ZC2HC1B: variants seen among roughly 807,000 people sequenced by gnomAD.
ZC2HC1B encodes zinc finger C2HC domain-containing protein 1B.
A neutral mutation model predicts 31.0 loss-of-function variants in ZC2HC1B; 36 were observed. The ratio of observed to expected loss-of-function variants is 1.16; its 90% CI spans 0.89 to 1.54. ZC2HC1B has a LOEUF of 1.54. Ranked by LOEUF, ZC2HC1B falls within the 40% of genes most tolerant of loss-of-function variation. ZC2HC1B has a pLI of 0.00. For synonymous variants in ZC2HC1B, 73 were observed against 88.0 expected (o/e 0.83, Z 0.95); for missense variants, 260 against 268.6 (o/e 0.97, Z 0.22).
Position 143,883,606 on chromosome 6 carries a change from C to T in ZC2HC1B, c.29-698C>T, listed in dbSNP as rs140252482. ...TTTTTAAATCTTTACATATTTGACTCCTGATGAACCAAAAGGAAGTAATAC... is the reference window on the plus strand; with the variant it reads ...TTTTTAAATCTTTACATATTTGACTTCTGATGAACCAAAAGGAAGTAATAC... On this transcript the variant is annotated intron_variant, in intron 1 of 7. Coordinates refer to ENST00000237275, the MANE Select transcript of ZC2HC1B (RefSeq NM_001013623.3). This position sits in a 1 kb window ranked among gnomAD's most constrained non-coding sequence, Gnocchi z 4.1. 6.6e-6 allele frequency among the ~76,000 whole-genome samples: 1 copy of T among 152,272 alleles called. No homozygotes were observed. The highest frequency in any genetic ancestry group is 2.4e-5 in the African/African-American group (1 of 41,548).
intron 6 of ZC2HC1B, among the ~76,000 whole-genome samples, chr6:143,928,353 G>A (rs956780756): frequency 9.2e-5 from 14 of 152,184 alleles, no homozygotes; most frequent in African/African-American, 2.2e-4. Context: ...TCCCAGCACC[G>A]TTTATTGAGT....
chr6:143,884,770 C>G lies in ZC2HC1B; in HGVS notation c.90+405C>G, dbSNP rs1317923558. Among the ~76,000 whole-genome samples the G allele has an allele frequency of 6.6e-6, 1 of 152,192 alleles. No homozygotes were observed. Among genetic ancestry groups the G allele is most frequent in the South Asian group, 2.1e-4 (1 of 4,832 alleles). ...CTGGCTTTTAGCCTCAAATTTGTCA[C>G]TAATCCTGACAAGTCCTTTAACCTT... is the stretch of plus-strand genomic sequence containing the variant. On this transcript the variant is annotated intron_variant, in intron 2 of 7. Coordinates refer to ENST00000237275, the MANE Select transcript of ZC2HC1B (RefSeq NM_001013623.3). This position sits in a 1 kb window ranked among gnomAD's most constrained non-coding sequence, Gnocchi z 5.1.
chr6:143,925,411 G>A (rs920361419), intron 6 of ZC2HC1B, among the ~76,000 whole-genome samples: 1 of 151,548 alleles, frequency 6.6e-6, no homozygotes, highest in Admixed American at 6.6e-5. Flanking sequence ...TCCTGACTTC[G>A]TGATCCGCCT....
chr6:143,925,427 C>T lies in ZC2HC1B; in HGVS notation c.599-12222C>T, dbSNP rs1414574126. ...CCTGACTTCGTGATCCGCCTGCCTA[C>T]GGCCTCCCAAAGTGCTGAGATTACA... On this transcript the variant is annotated intron_variant, in intron 6 of 7. Coordinates refer to ENST00000237275, the MANE Select transcript of ZC2HC1B (RefSeq NM_001013623.3). Among the ~76,000 whole-genome samples, 7 of 151,842 alleles carry T rather than the reference C, an allele frequency of 4.6e-5. No individual in the cohort carries two copies. In the East Asian group the frequency reaches 5.8e-4, roughly 13 times the overall value.
chr6:143,911,670 C>A lies in ZC2HC1B; in HGVS notation c.598+8518C>A, dbSNP rs546027154. The stretch of plus-strand genomic sequence containing the variant: ...TCTGATGGCTTGCCTTTGTAGGTGA[C>A]CTGGCCTTTCTCTCTGGCTGCCCTT... On this transcript the variant is annotated intron_variant, in intron 6 of 7. Coordinates refer to ENST00000237275, the MANE Select transcript of ZC2HC1B (RefSeq NM_001013623.3). The surrounding 1 kb of genome is among the most constrained non-coding windows in gnomAD (Gnocchi z 4.5). Among the ~76,000 whole-genome samples, 85 of 152,204 alleles carry A rather than the reference C, an allele frequency of 5.6e-4. No homozygotes were observed. The South Asian group carries it at 9.2e-3, about 16-fold the overall frequency.
rs1053842875 is a variant in ZC2HC1B, at chr6:143,886,801, C to A, written c.329C>A (p.Pro110His). The stretch of plus-strand genomic sequence containing the variant: ...GAAGGCCGACCCCTCCCACCTCCAC[C>A]CCCTCCATCCTTGAACCCAGGTGTG... ...IKEGRPLPPP[P>H]PPSLNPDYIQ... is the part of the protein sequence containing the mutation. Residue 110 changes from proline (P) to histidine (H), a missense_variant, in exon 4 of 8, where the codon CCC becomes CAC. Physicochemically the swap from Pro to His is moderately conservative, Grantham distance 77 (BLOSUM62 -2). Coordinates refer to ENST00000237275, the MANE Select transcript of ZC2HC1B (RefSeq NM_001013623.3). This position sits in a 1 kb window ranked among gnomAD's most constrained non-coding sequence, Gnocchi z 4.2. 14 of 1,536,832 alleles carry A rather than the reference C, an allele frequency of 9.1e-6. No homozygotes were observed. The highest frequency in any genetic ancestry group is 1.2e-5 in the Non-Finnish European group (14 of 1,140,570).
At chr6:143,912,564 A>G (rs1005451281) in intron 6 of ZC2HC1B, among the ~76,000 whole-genome samples, 3 of 151,962 alleles carry the variant, frequency 2.0e-5, no homozygotes, top group African/African-American at 7.3e-5. Context: ...TATTTTCTGT[A>G]CCTTGAGGTA....
rs765415093 is a variant in ZC2HC1B, at chr6:143,895,159, T to G, written c.350-3393T>G. On this transcript the variant is annotated intron_variant, in intron 4 of 7. Coordinates refer to ENST00000237275, the MANE Select transcript of ZC2HC1B (RefSeq NM_001013623.3). This position sits in a 1 kb window ranked among gnomAD's most constrained non-coding sequence, Gnocchi z 4.8. Reference sequence around the variant, plus strand: ...TAAGTTCTAGAGAATTTATTTGTTTTTTGTTGTTGTTGTTGTTTTTGAGAC... The same window carrying G: ...TAAGTTCTAGAGAATTTATTTGTTTGTTGTTGTTGTTGTTGTTTTTGAGAC... Among the ~76,000 whole-genome samples, 4 of 152,078 alleles carry G rather than the reference T, an allele frequency of 2.6e-5. No homozygotes were observed. Among genetic ancestry groups the G allele is most frequent in the African/African-American group, 4.8e-5 (2 of 41,400 alleles).
In ZC2HC1B at chr6:143,933,527, G is replaced by A. The variant is rs963969467; in HGVS notation, c.599-4122G>A. ...TGGGGGTTGCTGTGGCCACTGTGGGGAGATCAGGGGATGGTTCTTGGGCCA... is the reference window on the plus strand; with the variant it reads ...TGGGGGTTGCTGTGGCCACTGTGGGAAGATCAGGGGATGGTTCTTGGGCCA... On this transcript the variant is annotated intron_variant, in intron 6 of 7. Transcript: ENST00000237275. The surrounding 1 kb of genome is among the most constrained non-coding windows in gnomAD (Gnocchi z 6.4). Among the ~76,000 whole-genome samples the A allele has an allele frequency of 1.3e-5, 2 of 152,128 alleles. No individual in the cohort carries two copies. Among genetic ancestry groups the A allele is most frequent in the African/African-American group, 2.4e-5 (1 of 41,414 alleles).
intron 1 of ZC2HC1B, among the ~76,000 whole-genome samples, chr6:143,877,272 CTTTT>C (rs34994479): frequency 4.7e-5 from 2 of 42,594 alleles, no homozygotes; most frequent in African/African-American, 2.4e-4. Flanking sequence ...TTTTTAATTT[CTTTT>C]TTTTTTTTTT....
Position 143,886,184 on chromosome 6 carries a change from T to C in ZC2HC1B, c.210+33T>C, listed in dbSNP as rs1346257233. On this transcript the variant is annotated intron_variant, in intron 3 of 7. Transcript: ENST00000237275. This position sits in a 1 kb window ranked among gnomAD's most constrained non-coding sequence, Gnocchi z 4.2. ...TGATATCTTCTTTAGTGTTTGTTAT[T>C]ACATTCTGCGGTACTGTAAGGCCTA... is the stretch of plus-strand genomic sequence containing the variant. 2.7e-6 allele frequency: 4 copies of C among 1,494,706 alleles called. No homozygotes were observed. The highest frequency in any genetic ancestry group is 1.7e-4 in the Middle Eastern group (1 of 5,754). The allele number at this position is 1,494,706 out of a possible 1,614,324, so 92.6% of individuals were successfully genotyped here. A position where few individuals can be genotyped will look rare whatever the true frequency, so the allele number is the denominator to read the frequency against.
Position 143,889,566 on chromosome 6 carries a change from A to G in ZC2HC1B, c.349+2745A>G, listed in dbSNP as rs1777572950. Among the ~76,000 whole-genome samples the G allele has an allele frequency of 2.6e-5, 4 of 152,160 alleles. No homozygotes were observed. In the South Asian group the frequency reaches 8.3e-4, roughly 31 times the overall value. On this transcript the variant is annotated intron_variant, in intron 4 of 7. Transcript: ENST00000237275. Reference sequence around the variant, plus strand: ...TATAGCACAAAGTTAACTGCAGGGCAAGTATTAACAGATGATGATTCAAAT... The same window carrying G: ...TATAGCACAAAGTTAACTGCAGGGCGAGTATTAACAGATGATGATTCAAAT...
At chr6:143,880,807 T>G (rs1163782131) in intron 1 of ZC2HC1B, among the ~76,000 whole-genome samples, 1 of 152,170 alleles carries the variant, frequency 6.6e-6, no homozygotes, top group Non-Finnish European at 1.5e-5. Flanking sequence ...CTAGATATTG[T>G]TTTTAAACTT....
At position 143,906,149 on chromosome 6, in the gene ZC2HC1B, G is replaced by A. The variant is rs1054877338; in HGVS notation, c.598+2997G>A. The stretch of plus-strand genomic sequence containing the variant: ...ATGTTTGGTGGAATTCGCCAGTGAA[G>A]CCCTCAGGTCCGGAGCATTTTAATG... On this transcript the variant is annotated intron_variant, in intron 6 of 7. Coordinates refer to ENST00000237275, the MANE Select transcript of ZC2HC1B (RefSeq NM_001013623.3). 2.6e-5 allele frequency among the ~76,000 whole-genome samples: 4 copies of A among 152,108 alleles called. No individual in the cohort carries two copies. In the East Asian group the frequency reaches 7.7e-4, roughly 29 times the overall value.
rs1264204384 is a variant in ZC2HC1B, at chr6:143,911,204, A to G, written c.598+8052A>G. ...GTAAGATGGGTCTCTTGAAGACAGC[A>G]TATTGATGGGTCCTGGTTCTTTATC... On this transcript the variant is annotated intron_variant, in intron 6 of 7. Transcript: ENST00000237275. The surrounding 1 kb of genome is among the most constrained non-coding windows in gnomAD (Gnocchi z 4.5). Among the ~76,000 whole-genome samples the G allele has an allele frequency of 6.6e-6, 1 of 152,216 alleles. No homozygotes were observed. The highest frequency in any genetic ancestry group is 1.5e-5 in the Non-Finnish European group (1 of 68,040).
chr6:143,866,820 TA>T (rs780126378), intron 1 of ZC2HC1B, among the ~76,000 whole-genome samples: 3 of 151,592 alleles, frequency 2.0e-5, no homozygotes, highest in Non-Finnish European at 4.4e-5. Context: ...GGAGAATATT[TA>T]AAGCAAACAC....
intron 1 of ZC2HC1B, among the ~76,000 whole-genome samples, chr6:143,882,769 T>G (rs1435785547): frequency 1.3e-5 from 2 of 152,142 alleles, no homozygotes; most frequent in Non-Finnish European, 2.9e-5. Context: ...ATTTCCATCC[T>G]GCTGGCCGGA....
chr6:143,902,596 G>A (rs1483451084), intron 5 of ZC2HC1B, among the ~76,000 whole-genome samples: 1 of 152,148 alleles, frequency 6.6e-6, no homozygotes, highest in Non-Finnish European at 1.5e-5. Context: ...GGGGGATGGT[G>A]TAGGGATGTT....
rs1329993102 is a variant in ZC2HC1B, at chr6:143,872,524, A to G, written c.28+7957A>G. ...GCCACCTCGGGATCCAAATATTCCC[A>G]CTATATTTATTTTTTATTTTTTAAA... On this transcript the variant is annotated intron_variant, in intron 1 of 7. Transcript: ENST00000237275. The surrounding 1 kb of genome is among the most constrained non-coding windows in gnomAD (Gnocchi z 5.5). 2.0e-5 allele frequency among the ~76,000 whole-genome samples: 3 copies of G among 152,164 alleles called. No individual in the cohort carries two copies. Among genetic ancestry groups the G allele is most frequent in the Non-Finnish European group, 4.4e-5 (3 of 68,036 alleles).
Sources: gnomAD v4.1 joint callset for allele counts (sites outside exome capture counted in the v4.1 genomes callset) on GRCh38, gnomAD v4.1.1 for gene constraint, Gnocchi (gnomAD v3.1) non-coding constraint, MANE v1.5 for transcripts, NCBI Gene and HGNC (gene_info 2026-07-23, HGNC 2026-07-21) for gene names.